TENM1: variants seen among roughly 807,000 people sequenced by gnomAD.
TENM1 encodes the protein teneurin transmembrane protein 1.
A neutral mutation model predicts 174.8 loss-of-function variants in TENM1; 35 were observed. The observed-to-expected ratio is 0.20, with a 90% CI of 0.15 to 0.27. The LOEUF (loss-of-function observed/expected upper bound fraction) is 0.27. TENM1 is among the 10% of genes least tolerant of loss of function. The pLI is 1.00. For synonymous variants in TENM1, 781 were observed against 798.7 expected, an observed-to-expected ratio of 0.98 and a Z score of 0.37; for missense variants, 1,633 against 2,130.1, an observed-to-expected ratio of 0.77 and a Z score of 4.59.
the TENM1 span, among the ~76,000 whole-genome samples, chrX:125,163,483 T>G: frequency 9.0e-6 from 1 of 111,265 alleles, no homozygotes; most frequent in Non-Finnish European, 1.9e-5. Flanking sequence ...GCAGTTCATG[T>G]TCCTTCAGGT....
At chrX:124,621,115 G>A (rs963719966) in intron 11 of TENM1, among the ~76,000 whole-genome samples, 8 of 112,162 alleles carry the variant, frequency 7.1e-5, no homozygotes, top group Admixed American at 1.9e-4. Context: ...GAGACTAGAA[G>A]TGTTTTGGAT....
the TENM1 span, among the ~76,000 whole-genome samples, chrX:125,034,419 C>T: frequency 9.0e-6 from 1 of 111,244 alleles, no homozygotes; most frequent in African/African-American, 3.3e-5. Flanking sequence ...AAGTTTGGGA[C>T]CTGTGCCTTT....
rs551995548 is a variant in TENM1 at position 124,962,687 on chromosome X, G to A, written c.217+850C>T. 1.5e-3 allele frequency among the ~76,000 whole-genome samples: 162 copies of A among 110,488 alleles called. 1 individual carries two copies. Among genetic ancestry groups the A allele is most frequent in the African/African-American group, 5.1e-3 (155 of 30,358 alleles). ...ACAAAACGTAGCTGAGTGTGGTGAG[G>A]CGCACCTGTAATCCCAGCTACTCAG... is the stretch of plus-strand genomic sequence containing the variant. On this transcript the variant is annotated intron_variant, in intron 1 of 31. Transcript: ENST00000422452.
intron 27 of TENM1, among the ~76,000 whole-genome samples, chrX:124,398,903 C>G (rs2060368826): frequency 8.9e-6 from 1 of 112,058 alleles, no homozygotes. Flanking sequence ...TGATAGATTT[C>G]TAGAAAAGTT....
intron 23 of TENM1, among the ~76,000 whole-genome samples, chrX:124,422,981 G>A (rs918216932): frequency 8.9e-6 from 1 of 112,051 alleles, no homozygotes; most frequent in African/African-American, 3.2e-5. Context: ...TCCCACCCTA[G>A]ATCTATTGAA....
At chrX:124,791,535 C>A in intron 3 of TENM1, among the ~76,000 whole-genome samples, 1 of 111,712 alleles carries the variant, frequency 9.0e-6, no homozygotes, top group South Asian at 3.7e-4. Flanking sequence ...TCCATTACCT[C>A]ATCTTAAGTA....
intron 20 of TENM1, among the ~76,000 whole-genome samples, chrX:124,495,807 C>T (rs1202753706): frequency 3.2e-4 from 33 of 102,646 alleles, no homozygotes; most frequent in South Asian, 2.8e-3. Flanking sequence ...AGGTAATTTA[C>T]AGATTCAATG....
intron 23 of TENM1, among the ~76,000 whole-genome samples, chrX:124,445,566 G>A (rs1157839533): frequency 8.9e-6 from 1 of 112,183 alleles, no homozygotes; most frequent in East Asian, 2.8e-4. Context: ...GGGTGCTGTT[G>A]GAAACCAGTG....
the TENM1 span, among the ~76,000 whole-genome samples, chrX:125,006,569 T>C: frequency 8.9e-6 from 1 of 111,743 alleles, no homozygotes; most frequent in Non-Finnish European, 1.9e-5. Flanking sequence ...GCCTCCTGAT[T>C]GAGAGAGACT....
At chrX:125,055,097 T>C in the TENM1 span, among the ~76,000 whole-genome samples, 1 of 111,796 alleles carries the variant, frequency 8.9e-6, no homozygotes, top group African/African-American at 3.2e-5. Flanking sequence ...CATGATGCGA[T>C]CCTCATAAGC....
the TENM1 span, among the ~76,000 whole-genome samples, chrX:125,050,954 G>A: frequency 8.9e-6 from 1 of 111,900 alleles, no homozygotes; most frequent in Non-Finnish European, 1.9e-5. Flanking sequence ...AAACCCCATC[G>A]TCTCAGCCCA....
At chrX:125,066,267 T>A in the TENM1 span, among the ~76,000 whole-genome samples, 1 of 111,602 alleles carries the variant, frequency 9.0e-6, no homozygotes, top group Non-Finnish European at 1.9e-5. Flanking sequence ...CTGGGTCAGT[T>A]TTTCTCTGAA....
intron 20 of TENM1, among the ~76,000 whole-genome samples, chrX:124,492,093 G>A (rs1049328921): frequency 1.8e-5 from 2 of 111,620 alleles, no homozygotes; most frequent in Non-Finnish European, 3.8e-5. Flanking sequence ...GAATAACCTG[G>A]CAGAGGATCA....
intron 11 of TENM1, among the ~76,000 whole-genome samples, chrX:124,610,114 T>G (rs918530103): frequency 6.2e-5 from 7 of 112,010 alleles, no homozygotes; most frequent in African/African-American, 2.3e-4. Context: ...ATCACTCCAT[T>G]AGACGGAGAG....
At chrX:124,757,467 G>A (rs4436259) in intron 3 of TENM1, among the ~76,000 whole-genome samples, 15,963 of 112,071 alleles carry the variant, frequency 0.14, 1,407 homozygotes, top group African/African-American at 0.33. Context: ...ATGCCTCGCC[G>A]TGCTTCGGCT....
chrX:124,692,781 C>T (rs891795970), intron 5 of TENM1, among the ~76,000 whole-genome samples: 6 of 108,574 alleles, frequency 5.5e-5, no homozygotes, highest in African/African-American at 1.0e-4. Context: ...CTGAGGTGGA[C>T]GGATCACCTG....
At chrX:124,827,249 C>T (rs1228652211) in intron 3 of TENM1, among the ~76,000 whole-genome samples, 1 of 111,374 alleles carries the variant, frequency 9.0e-6, no homozygotes, top group Non-Finnish European at 1.9e-5. Flanking sequence ...CGGGGTTTCA[C>T]CATGTTGGCC....
rs1047475173 is a variant in TENM1, at chrX:124,786,036, C to G, written c.536-48839G>C. ...TGTTGCTCCTGAATATAACAATAAT[C>G]TACATATATACAATTTTTTGGAGAA... On this transcript the variant is annotated intron_variant, in intron 3 of 31. Transcript: ENST00000422452. 4.5e-5 allele frequency among the ~76,000 whole-genome samples: 5 copies of G among 111,125 alleles called. No homozygotes were observed. In the East Asian group the frequency reaches 1.1e-3, roughly 25 times the overall value.
chrX:124,508,143 A>G (rs1239714506), intron 18 of TENM1, among the ~76,000 whole-genome samples: 1 of 112,492 alleles, frequency 8.9e-6, no homozygotes, highest in Non-Finnish European at 1.9e-5. Context: ...TATGTAGACA[A>G]AATACTATCT....
Sources: gnomAD v4.1 joint callset for allele counts (sites outside exome capture counted in the v4.1 genomes callset) on GRCh38, gnomAD v4.1.1 for gene constraint, MANE v1.5 for transcripts, NCBI Gene and HGNC (gene_info 2026-07-23, HGNC 2026-07-21) for gene names.